KCNH7: variants seen among roughly 807,000 people sequenced by gnomAD.
KCNH7 encodes potassium voltage-gated channel subfamily H member 7.
A neutral mutation model predicts 120.8 loss-of-function variants in KCNH7; 49 were observed. That is an observed-to-expected ratio of 0.41 (90% CI 0.32 to 0.51). The LOEUF is 0.51. Ranked by LOEUF, KCNH7 falls within the 20% of genes least tolerant of loss-of-function variation. The pLI, the probability that KCNH7 is intolerant of heterozygous loss-of-function variation, is 0.38. For missense variants in KCNH7, 1,097 were observed against 1,446.6 expected (o/e 0.76, Z 3.92); for synonymous variants, 547 against 516.1 (o/e 1.06, Z -0.81).
intron 2 of KCNH7, among the ~76,000 whole-genome samples, chr2:162,804,040 G>C (rs1317363417): frequency 6.6e-6 from 1 of 151,764 alleles, no homozygotes; most frequent in Non-Finnish European, 1.5e-5. Context: ...TTATTTCTAT[G>C]AACTTGAGAA....
chr2:162,489,463 C>T (rs1690218491), intron 6 of KCNH7, among the ~76,000 whole-genome samples: 2 of 152,168 alleles, frequency 1.3e-5, no homozygotes, highest in African/African-American at 2.4e-5. Flanking sequence ...GACCCACATG[C>T]AGCTCACGGG....
chr2:162,581,870 G>T (rs937806820), intron 2 of KCNH7, among the ~76,000 whole-genome samples: 2 of 151,962 alleles, frequency 1.3e-5, no homozygotes, highest in Non-Finnish European at 2.9e-5. Context: ...TTGCTACAAA[G>T]GGACCCACCC....
chr2:162,689,395 A>C (rs1686022289), intron 2 of KCNH7, among the ~76,000 whole-genome samples: 1 of 151,872 alleles, frequency 6.6e-6, no homozygotes, highest in Non-Finnish European at 1.5e-5. Context: ...CAGGTGATCC[A>C]CCTGCCTCGG....
chr2:162,652,992 A>G (rs564718552), intron 2 of KCNH7, among the ~76,000 whole-genome samples: 2 of 152,294 alleles, frequency 1.3e-5, no homozygotes, highest in Admixed American at 1.3e-4. Context: ...CTTTATGCCA[A>G]AGGCCTTACT....
chr2:162,718,842 C>G (rs1020303563), intron 2 of KCNH7, among the ~76,000 whole-genome samples: 1 of 152,004 alleles, frequency 6.6e-6, no homozygotes, highest in Non-Finnish European at 1.5e-5. Flanking sequence ...TAGTTGCTCT[C>G]TATAAAGTCA....
At chr2:162,667,832 C>T (rs920821581) in intron 2 of KCNH7, among the ~76,000 whole-genome samples, 25 of 152,206 alleles carry the variant, frequency 1.6e-4, no homozygotes, top group African/African-American at 5.5e-4. Context: ...TATTTCCTCC[C>T]TCTAGAATAT....
At chr2:162,459,821 C>A (rs912736220) in intron 6 of KCNH7, among the ~76,000 whole-genome samples, 1 of 152,052 alleles carries the variant, frequency 6.6e-6, no homozygotes, top group Admixed American at 6.6e-5. Flanking sequence ...AGAGGCCGGG[C>A]GCAGTGGCTC....
chr2:162,569,817 A>G (rs1375439848), intron 2 of KCNH7, among the ~76,000 whole-genome samples: 1 of 142,482 alleles, frequency 7.0e-6, no homozygotes, highest in African/African-American at 2.7e-5. Context: ...CAGGTTGTTC[A>G]GTGTCCATGT....
At chr2:162,514,718 A>G (rs1691222107) in intron 4 of KCNH7, among the ~76,000 whole-genome samples, 1 of 151,722 alleles carries the variant, frequency 6.6e-6, no homozygotes. Context: ...GGCTTCACAA[A>G]TGTATTGGTC....
chr2:162,735,092 T>A (rs1232622809), intron 2 of KCNH7, among the ~76,000 whole-genome samples: 1 of 152,170 alleles, frequency 6.6e-6, no homozygotes, highest in Non-Finnish European at 1.5e-5. Flanking sequence ...CTATGATCTG[T>A]CTAGACATGC....
At chr2:162,390,934 A>G (rs1321681183) in intron 12 of KCNH7, among the ~76,000 whole-genome samples, 1 of 152,004 alleles carries the variant, frequency 6.6e-6, no homozygotes, top group Admixed American at 6.6e-5. Flanking sequence ...ATCTTATTCA[A>G]TGTGAGCTCT....
intron 2 of KCNH7, among the ~76,000 whole-genome samples, chr2:162,813,476 G>A (rs890525603): frequency 2.6e-5 from 4 of 152,198 alleles, no homozygotes; most frequent in East Asian, 1.9e-4. Context: ...ATTAAAACTT[G>A]GTGAAACTTC....
intron 13 of KCNH7, 134 bp from the exon 14 acceptor site, chr2:162,380,155 A>G (rs567202626): frequency 2.8e-6 from 3 of 1,064,064 alleles, no homozygotes; most frequent in African/African-American, 3.2e-5. Context: ...GTATTCAGTG[A>G]TGTGTCCAGG....
chr2:162,543,522 C>T (rs1430741870), intron 2 of KCNH7, among the ~76,000 whole-genome samples: 8 of 152,064 alleles, frequency 5.3e-5, no homozygotes, highest in Admixed American at 1.3e-4. Context: ...GCAGTATTGA[C>T]AATGACTGAG....
chr2:162,820,113 C>A (rs1224240200), intron 2 of KCNH7, among the ~76,000 whole-genome samples: 1 of 144,300 alleles, frequency 6.9e-6, no homozygotes, highest in Non-Finnish European at 1.5e-5. Context: ...TATCTCAGCT[C>A]ACTGCAAATT....
intron 2 of KCNH7, among the ~76,000 whole-genome samples, chr2:162,700,998 A>C (rs892323205): frequency 6.6e-6 from 1 of 152,202 alleles, no homozygotes; most frequent in African/African-American, 2.4e-5. Flanking sequence ...CACTGGTTTC[A>C]TAACTAACGA....
chr2:162,828,175 C>A (rs1386158511), intron 2 of KCNH7, among the ~76,000 whole-genome samples: 1 of 152,132 alleles, frequency 6.6e-6, no homozygotes, highest in Non-Finnish European at 1.5e-5. Context: ...ACACACCATG[C>A]AACCTTGCAT....
chr2:162,406,815 C>T (rs1049172634), intron 9 of KCNH7, among the ~76,000 whole-genome samples: 4 of 151,884 alleles, frequency 2.6e-5, no homozygotes, highest in African/African-American at 9.7e-5. Flanking sequence ...AGCTAACGTC[C>T]CAACATAATG....
At chr2:162,595,492 A>T (rs1694347422) in intron 2 of KCNH7, among the ~76,000 whole-genome samples, 1 of 152,076 alleles carries the variant, frequency 6.6e-6, no homozygotes. Flanking sequence ...TAATAAATGC[A>T]GAAAAAGCAT....
Sources: gnomAD v4.1 joint callset for allele counts (sites outside exome capture counted in the v4.1 genomes callset) on GRCh38, gnomAD v4.1.1 for gene constraint, MANE v1.5 for transcripts, NCBI Gene and HGNC (gene_info 2026-07-23, HGNC 2026-07-21) for gene names.